Variants in MYMX observed in about 807,000 individuals in gnomAD.
MYMX encodes the protein myomixer, myoblast fusion factor.
chr6:44,213,674 C>A (rs568745610), upstream of MYMX, among the ~76,000 whole-genome samples: 2 of 152,190 alleles, frequency 1.3e-5, no homozygotes, highest in African/African-American at 4.8e-5. Context: ...CCCGCCTTGG[C>A]CTCCCAGAGT....
chr6:44,217,748 C>T lies in MYMX; in HGVS notation c.*22C>T. On this transcript the variant is annotated 3_prime_UTR_variant, in exon 2 of 2. Transcript: ENST00000573382. Reference sequence around the variant, plus strand: ...GTGAGGCCACAAGTCCTGGCAGCAGCTGTATCCACAAAATGCTTTCTTTTG... The same window carrying T: ...GTGAGGCCACAAGTCCTGGCAGCAGTTGTATCCACAAAATGCTTTCTTTTG... The T allele has an allele frequency of 2.5e-6, 1 of 401,044 alleles. No homozygotes were observed. Among genetic ancestry groups the T allele is most frequent in the Non-Finnish European group, 4.4e-6 (1 of 226,434 alleles). The allele number at this position is 401,044 out of a possible 1,614,324, so 24.8% of individuals were successfully genotyped here. A position where few individuals can be genotyped will look rare whatever the true frequency, so the allele number is the denominator to read the frequency against.
the MYMX span, among the ~76,000 whole-genome samples, chr6:44,204,050 T>C: frequency 2.3e-4 from 35 of 152,130 alleles, no homozygotes; most frequent in African/African-American, 8.2e-4. Context: ...GGTTTCCATG[T>C]TGGCCCAGCT....
chr6:44,214,889 C>T (rs745415489), upstream of MYMX, among the ~76,000 whole-genome samples: 1 of 152,048 alleles, frequency 6.6e-6, no homozygotes, highest in Non-Finnish European at 1.5e-5. Context: ...GAGAACTGAG[C>T]GAGATCCTGA....
chr6:44,205,367 C>T, the MYMX span, among the ~76,000 whole-genome samples: 1 of 151,924 alleles, frequency 6.6e-6, no homozygotes, highest in Non-Finnish European at 1.5e-5. Flanking sequence ...AGGAAAAGGA[C>T]AAAGAAAAAG....
chr6:44,198,493 A>G, the MYMX span, among the ~76,000 whole-genome samples: 188 of 150,740 alleles, frequency 1.2e-3, 1 homozygote, highest in South Asian at 0.024. Context: ...ATCTGTGCCT[A>G]TATTTAATTT....
the MYMX span, among the ~76,000 whole-genome samples, chr6:44,194,286 C>G: frequency 6.6e-6 from 1 of 152,166 alleles, no homozygotes; most frequent in Admixed American, 6.5e-5. Context: ...AGTCCCTTCC[C>G]TCATATTTCC....
chr6:44,215,750 C>G (rs1309247521), upstream of MYMX, among the ~76,000 whole-genome samples: 1 of 151,816 alleles, frequency 6.6e-6, no homozygotes, highest in Non-Finnish European at 1.5e-5. Context: ...CAAAAATTAG[C>G]CGGGCATCGT....
the MYMX span, among the ~76,000 whole-genome samples, chr6:44,203,364 C>T: frequency 6.6e-6 from 1 of 152,108 alleles, no homozygotes; most frequent in Admixed American, 6.6e-5. Context: ...GTCAACTTAG[C>T]GGTTTATTTT....
At chr6:44,214,890 G>C (rs895079372), upstream of MYMX, among the ~76,000 whole-genome samples, 2 of 152,108 alleles carry the variant, frequency 1.3e-5, no homozygotes, top group Admixed American at 1.3e-4. Context: ...AGAACTGAGC[G>C]AGATCCTGAA....
the MYMX span, among the ~76,000 whole-genome samples, chr6:44,208,573 T>A: frequency 6.6e-6 from 1 of 152,158 alleles, no homozygotes; most frequent in Non-Finnish European, 1.5e-5. Flanking sequence ...AGCAAATTCC[T>A]TAAACTCCCC....
chr6:44,197,975 G>A, the MYMX span, among the ~76,000 whole-genome samples: 4 of 151,834 alleles, frequency 2.6e-5, no homozygotes, highest in Non-Finnish European at 5.9e-5. Context: ...AGCCTGCGGG[G>A]GATTGTCTTT....
chr6:44,207,687 C>T, the MYMX span, among the ~76,000 whole-genome samples: 8 of 152,246 alleles, frequency 5.3e-5, no homozygotes, highest in East Asian at 1.5e-3. Context: ...CATGCACCAC[C>T]ACGCCCAGCT....
chr6:44,215,445 C>T (rs541792345), upstream of MYMX, among the ~76,000 whole-genome samples: 74 of 152,064 alleles, frequency 4.9e-4, no homozygotes, highest in Non-Finnish European at 5.0e-4. Flanking sequence ...GGTGTGGTGG[C>T]GCCTGCCTGT....
the MYMX span, among the ~76,000 whole-genome samples, chr6:44,195,515 G>A: frequency 6.6e-6 from 1 of 151,954 alleles, no homozygotes. Flanking sequence ...CACCCAGACT[G>A]AAGTGCAATG....
chr6:44,208,282 T>A, the MYMX span, among the ~76,000 whole-genome samples: 1 of 151,732 alleles, frequency 6.6e-6, no homozygotes, highest in Non-Finnish European at 1.5e-5. Context: ...AAAAAACATT[T>A]ACAGCTCTCC....
chr6:44,206,964 G>A, the MYMX span, among the ~76,000 whole-genome samples: 2 of 152,108 alleles, frequency 1.3e-5, no homozygotes, highest in African/African-American at 4.8e-5. Context: ...TCTATAAGGG[G>A]CCTATGACTT....
At chr6:44,207,690 G>A in the MYMX span, among the ~76,000 whole-genome samples, 7 of 152,024 alleles carry the variant, frequency 4.6e-5, no homozygotes, top group Non-Finnish European at 8.8e-5. Flanking sequence ...GCACCACCAC[G>A]CCCAGCTAAT....
At chr6:44,201,603 G>C in the MYMX span, among the ~76,000 whole-genome samples, 1 of 152,312 alleles carries the variant, frequency 6.6e-6, no homozygotes, top group East Asian at 1.9e-4. Flanking sequence ...CAGAGCCCCA[G>C]CCTCTGATCT....
At chr6:44,194,031 C>T in the MYMX span, among the ~76,000 whole-genome samples, 4 of 152,052 alleles carry the variant, frequency 2.6e-5, no homozygotes, top group Admixed American at 6.6e-5. Context: ...GTGCAGGTAC[C>T]CACTTTCTTG....
Sources: gnomAD v4.1 joint callset for allele counts (sites outside exome capture counted in the v4.1 genomes callset) on GRCh38, gnomAD v4.1.1 for gene constraint, MANE v1.5 for transcripts, NCBI Gene and HGNC (gene_info 2026-07-23, HGNC 2026-07-21) for gene names.